The following ATXN7L1 variants were observed in gnomAD, a reference collection of about 807,000 sequenced individuals.
ATXN7L1 encodes the protein ataxin 7 like 1.
Under a neutral mutation model 70.8 loss-of-function variants are expected in ATXN7L1, and 15 were observed. That is an observed-to-expected ratio of 0.21 (90% confidence interval 0.14 to 0.33). The LOEUF is 0.33. ATXN7L1 is among the 10% of genes least tolerant of loss of function. The pLI is 1.00. For synonymous variants in ATXN7L1, 440 were observed against 445.1 expected (o/e 0.99, Z 0.14); for missense variants, 975 against 1,097.1 (o/e 0.89, Z 1.57).
chr7:105,649,743 T>C (rs2115971841), intron 4 of ATXN7L1, among the ~76,000 whole-genome samples: 1 of 152,378 alleles, frequency 6.6e-6, no homozygotes, highest in Admixed American at 6.5e-5. Flanking sequence ...CAGAAATTAT[T>C]GCCAGCCCTT....
chr7:105,702,922 T>C (rs964755651), intron 3 of ATXN7L1, among the ~76,000 whole-genome samples: 1 of 152,154 alleles, frequency 6.6e-6, no homozygotes, highest in Admixed American at 6.5e-5. Flanking sequence ...ATCGAGACCA[T>C]CCTGACTAAC....
At chr7:105,694,279 C>T (rs927334360) in intron 3 of ATXN7L1, among the ~76,000 whole-genome samples, 1 of 152,106 alleles carries the variant, frequency 6.6e-6, no homozygotes, top group Non-Finnish European at 1.5e-5. Flanking sequence ...CTCCTGATCT[C>T]AGGCAATCCA....
intron 3 of ATXN7L1, among the ~76,000 whole-genome samples, chr7:105,751,520 C>T (rs566019527): frequency 7.9e-5 from 12 of 152,130 alleles, no homozygotes; most frequent in Non-Finnish European, 1.3e-4. Flanking sequence ...CCTGTAGTTC[C>T]AGCTCCTTGG....
At chr7:105,819,807 C>T (rs546435339) in intron 2 of ATXN7L1, 81 of 645,562 alleles carry the variant, frequency 1.3e-4, no homozygotes, top group Non-Finnish European at 2.0e-4. Context: ...AGGTGTTTGA[C>T]GGCATCCCAC....
intron 2 of ATXN7L1, among the ~76,000 whole-genome samples, chr7:105,838,039 A>G (rs1812660574): frequency 6.6e-6 from 1 of 152,204 alleles, no homozygotes; most frequent in African/African-American, 2.4e-5. Flanking sequence ...GGAGTTGGAA[A>G]GGAATGCTTC....
At chr7:105,678,884 G>A (rs766698736) in intron 3 of ATXN7L1, among the ~76,000 whole-genome samples, 14 of 152,138 alleles carry the variant, frequency 9.2e-5, no homozygotes, top group Non-Finnish European at 1.8e-4. Context: ...GCCCTGTCTC[G>A]GCTCCAGCTC....
chr7:105,651,378 G>T (rs1799806268), intron 4 of ATXN7L1, among the ~76,000 whole-genome samples: 1 of 152,174 alleles, frequency 6.6e-6, no homozygotes, highest in Non-Finnish European at 1.5e-5. Context: ...AACCAAAAGG[G>T]CACAGAGGAT....
At chr7:105,647,902 T>A (rs889324547) in intron 4 of ATXN7L1, among the ~76,000 whole-genome samples, 1 of 152,206 alleles carries the variant, frequency 6.6e-6, no homozygotes, top group Non-Finnish European at 1.5e-5. Flanking sequence ...TTTGGAATTT[T>A]TTCTGCTTTA....
At chr7:105,813,759 C>T (rs1808788739) in intron 2 of ATXN7L1, among the ~76,000 whole-genome samples, 1 of 151,988 alleles carries the variant, frequency 6.6e-6, no homozygotes, top group Non-Finnish European at 1.5e-5. Context: ...TTTCTGGGAA[C>T]TCTCCTTTTC....
At chr7:105,781,944 A>C (rs1405661108) in intron 3 of ATXN7L1, among the ~76,000 whole-genome samples, 1 of 152,078 alleles carries the variant, frequency 6.6e-6, no homozygotes, top group African/African-American at 2.4e-5. Context: ...GGCTCAAGCA[A>C]TCCTCCCATG....
At chr7:105,860,624 A>G (rs1307506611) in intron 2 of ATXN7L1, among the ~76,000 whole-genome samples, 4 of 152,228 alleles carry the variant, frequency 2.6e-5, no homozygotes, top group African/African-American at 7.2e-5. Flanking sequence ...TGAAGTTTCA[A>G]TTTTGTAAGG....
chr7:105,655,337 C>T (rs1230585852), intron 4 of ATXN7L1, among the ~76,000 whole-genome samples: 2 of 152,200 alleles, frequency 1.3e-5, no homozygotes, highest in African/African-American at 4.8e-5. Flanking sequence ...TTACCCCTTC[C>T]CTCTGAAGTC....
chr7:105,611,342 C>T (rs192962062), intron 10 of ATXN7L1, among the ~76,000 whole-genome samples: 2 of 152,208 alleles, frequency 1.3e-5, no homozygotes, highest in Non-Finnish European at 2.9e-5. Context: ...TCTCCATTAA[C>T]TTGCCTTTAT....
chr7:105,835,172 T>TTTTTG, intron 2 of ATXN7L1, among the ~76,000 whole-genome samples: 1 of 103,366 alleles, frequency 9.7e-6, no homozygotes, highest in Non-Finnish European at 2.1e-5. Flanking sequence ...TTTTTTTTTT[T>TTTTTG]GAGAAAGGGT....
At chr7:105,713,114 A>G (rs1203461250) in intron 3 of ATXN7L1, among the ~76,000 whole-genome samples, 1 of 152,134 alleles carries the variant, frequency 6.6e-6, no homozygotes, top group Non-Finnish European at 1.5e-5. Flanking sequence ...GTGATGGGGG[A>G]AGTGCTAGAC....
At chr7:105,660,422 C>T (rs559732695) in intron 4 of ATXN7L1, among the ~76,000 whole-genome samples, 95 of 151,766 alleles carry the variant, frequency 6.3e-4, no homozygotes, top group African/African-American at 2.2e-3. Flanking sequence ...CATTCTGTTC[C>T]CTTTGCCTAG....
At chr7:105,632,175 C>G (rs932884821) in intron 7 of ATXN7L1, among the ~76,000 whole-genome samples, 2 of 151,886 alleles carry the variant, frequency 1.3e-5, no homozygotes, top group African/African-American at 4.8e-5. Flanking sequence ...GACTGCCCAA[C>G]CAAACATCAA....
intron 3 of ATXN7L1, among the ~76,000 whole-genome samples, chr7:105,689,574 A>G (rs1790469030): frequency 6.6e-6 from 1 of 152,160 alleles, no homozygotes; most frequent in Non-Finnish European, 1.5e-5. Flanking sequence ...TGAGATGCAT[A>G]CAAACCAACA....
chr7:105,837,383 C>G (rs1208852006), intron 2 of ATXN7L1, among the ~76,000 whole-genome samples: 1 of 151,634 alleles, frequency 6.6e-6, no homozygotes, highest in Non-Finnish European at 1.5e-5. Flanking sequence ...AAACAAGAAA[C>G]CAAACTACCC....
Sources: allele counts gnomAD v4.1 joint callset (sites outside exome capture counted in the v4.1 genomes callset), GRCh38; gene constraint gnomAD v4.1.1; transcripts MANE v1.5; gene names NCBI Gene and HGNC (gene_info 2026-07-23, HGNC 2026-07-21).